The following PDE1A variants were observed in gnomAD, a reference collection of about 807,000 sequenced individuals.
PDE1A encodes dual specificity calcium/calmodulin-dependent 3',5'-cyclic nucleotide phosphodiesterase 1A.
A neutral mutation model predicts 61.7 loss-of-function variants in PDE1A; 35 were observed. The observed-to-expected ratio is 0.57, with a 90% CI of 0.43 to 0.75. The LOEUF (loss-of-function observed/expected upper bound fraction) is 0.75, where lower values mean the gene tolerates loss of function less well. Ranked by LOEUF, PDE1A falls within the 30% of genes least tolerant of loss-of-function variation. PDE1A has a pLI of 0.00. For synonymous variants in PDE1A, 232 were observed against 213.2 expected (o/e 1.09, Z -0.77); for missense variants, 597 against 630.6 (o/e 0.95, Z 0.57).
chr2:182,244,371 A>ATTTT (rs755813407), intron 2 of PDE1A, among the ~76,000 whole-genome samples: 24 of 150,140 alleles, frequency 1.6e-4, no homozygotes, highest in African/African-American at 4.9e-4. Flanking sequence ...TTTTTTTAAA[A>ATTTT]AAACTTTAAA....
intron 1 of PDE1A, among the ~76,000 whole-genome samples, chr2:182,342,483 A>G (rs958128058): frequency 1.3e-5 from 2 of 152,178 alleles, no homozygotes; most frequent in Non-Finnish European, 2.9e-5. Context: ...GGAGATGGAG[A>G]CCATCCTGGC....
chr2:182,187,033 T>G (rs1025623451), intron 11 of PDE1A, among the ~76,000 whole-genome samples: 2 of 152,206 alleles, frequency 1.3e-5, no homozygotes, highest in African/African-American at 4.8e-5. Context: ...ATTAAATAAT[T>G]GAAGGTTTTT....
chr2:182,708,290 C>T, the PDE1A span, among the ~76,000 whole-genome samples: 25 of 151,882 alleles, frequency 1.6e-4, no homozygotes, highest in Middle Eastern at 3.4e-3. Context: ...TTGGGAGCTA[C>T]GATTCAAGAT....
chr2:182,595,202 T>A, the PDE1A span, among the ~76,000 whole-genome samples: 7 of 152,280 alleles, frequency 4.6e-5, no homozygotes, highest in East Asian at 1.4e-3. Context: ...GCTTCTGCAA[T>A]TGAGGAAGAA....
rs552569132 is a variant in PDE1A at position 182,199,643 on chromosome 2, T to C, written c.1125+1796A>G. On this transcript the variant is annotated intron_variant, in intron 10 of 13. Coordinates refer to ENST00000351439, the Ensembl canonical transcript of PDE1A. ...AGATCTCTGGTTGATTGATTGAGTA[T>C]ATCATTATAATTTTTAATTGACCAT... Among the ~76,000 whole-genome samples the C allele has an allele frequency of 2.0e-5, 3 of 152,276 alleles. No individual in the cohort carries two copies. The East Asian group carries it at 5.8e-4, about 29-fold the overall frequency.
chr2:182,434,958 T>G (rs2125650592), intron 2 of PDE1A, among the ~76,000 whole-genome samples: 1 of 152,122 alleles, frequency 6.6e-6, no homozygotes, highest in East Asian at 1.9e-4. Context: ...AACTCCCCGG[T>G]CATTTAAATC....
the PDE1A span, among the ~76,000 whole-genome samples, chr2:182,624,098 C>G: frequency 7.2e-6 from 1 of 138,668 alleles, no homozygotes; most frequent in African/African-American, 2.7e-5. Flanking sequence ...GCACTCCAGC[C>G]TGGGGGACAG....
chr2:182,258,657 G>A (rs960504394), intron 2 of PDE1A, among the ~76,000 whole-genome samples: 1 of 152,156 alleles, frequency 6.6e-6, no homozygotes, highest in East Asian at 1.9e-4. Flanking sequence ...CTTGTTAGAA[G>A]CCATGTCTTT....
At chr2:182,161,725 G>A (rs77212876) in intron 13 of PDE1A, among the ~76,000 whole-genome samples, 1 of 152,118 alleles carries the variant, frequency 6.6e-6, no homozygotes, top group South Asian at 2.1e-4. Context: ...CTACTTGAGT[G>A]TTCTAACTGA....
downstream of PDE1A, among the ~76,000 whole-genome samples, chr2:182,146,299 A>T (rs898219579): frequency 6.6e-6 from 1 of 152,180 alleles, no homozygotes; most frequent in African/African-American, 2.4e-5. Context: ...ATAGATGCAC[A>T]TGTTCACAGA....
At chr2:182,440,794 T>C (rs984896726) in intron 2 of PDE1A, among the ~76,000 whole-genome samples, 1 of 151,830 alleles carries the variant, frequency 6.6e-6, no homozygotes, top group Non-Finnish European at 1.5e-5. Context: ...CATGGGTTTT[T>C]TTTTGCTTTA....
chr2:182,644,287 G>GTGTGTC, the PDE1A span, among the ~76,000 whole-genome samples: 2 of 150,326 alleles, frequency 1.3e-5, no homozygotes, highest in Admixed American at 6.6e-5. Context: ...GTGTGTGTGT[G>GTGTGTC]TGTGTGTGTG....
intron 2 of PDE1A, among the ~76,000 whole-genome samples, chr2:182,254,686 G>A (rs1392190913): frequency 1.3e-5 from 2 of 152,040 alleles, no homozygotes; most frequent in African/African-American, 4.8e-5. Context: ...TCATTAGTAG[G>A]AGCAAAGCCA....
chr2:182,269,306 T>A (rs1459684881), intron 1 of PDE1A, among the ~76,000 whole-genome samples: 1 of 151,988 alleles, frequency 6.6e-6, no homozygotes, highest in East Asian at 1.9e-4. Context: ...CTGGCCAACA[T>A]GGAGAAACTC....
intron 7 of PDE1A, among the ~76,000 whole-genome samples, chr2:182,221,607 T>A (rs533956604): frequency 6.6e-6 from 1 of 152,146 alleles, no homozygotes; most frequent in African/African-American, 2.4e-5. Context: ...TTTCCTCCAT[T>A]CCAGGGACAG....
chr2:182,230,987 C>T lies in PDE1A; in HGVS notation c.534+28G>A, dbSNP rs779834453. 3 of 1,025,440 alleles carry T rather than the reference C, an allele frequency of 2.9e-6. No homozygotes were observed. In the Admixed American group the frequency reaches 6.1e-5, roughly 21 times the overall value. The allele number at this position is 1,025,440 out of a possible 1,614,324, so 63.5% of individuals were successfully genotyped here. On this transcript the variant is annotated intron_variant, in intron 5 of 13. Transcript: ENST00000351439. ...TTACTCAAATAACCAATTCTAAGAG[C>T]ATTTCACTTTTGTTCCATGTTTCTG...
At chr2:182,168,096 T>C (rs990042441) in exon 14 of PDE1A, 58 of 1,356,096 alleles carry the variant, frequency 4.3e-5, no homozygotes, top group Middle Eastern at 1.9e-4. Context: ...CTGTTATTTA[T>C]GTGGCTCATG....
At position 182,371,488 on chromosome 2, in the gene PDE1A, A is replaced by G. The variant is rs151252574; in HGVS notation, c.53+55090T>C. On this transcript the variant is annotated intron_variant, in intron 1 of 13. Coordinates refer to ENST00000351439, the Ensembl canonical transcript of PDE1A. ...TGCAACAAGCAATGAAAAGCTCCCAATAAAAGTACAAGCAGACTGCCCCAC... is the reference window on the plus strand; with the variant it reads ...TGCAACAAGCAATGAAAAGCTCCCAGTAAAAGTACAAGCAGACTGCCCCAC... 5.3e-3 allele frequency among the ~76,000 whole-genome samples: 803 copies of G among 152,344 alleles called. 1 individual carries two copies. The highest frequency in any genetic ancestry group is 9.5e-3 in the Non-Finnish European group (644 of 68,028).
chr2:182,318,954 T>G (rs1362771835), intron 1 of PDE1A, among the ~76,000 whole-genome samples: 1 of 152,178 alleles, frequency 6.6e-6, no homozygotes, highest in Non-Finnish European at 1.5e-5. Flanking sequence ...TCTTCCTATG[T>G]TTATAAAAAT....
Sources: allele counts gnomAD v4.1 joint callset (sites outside exome capture counted in the v4.1 genomes callset), GRCh38; gene constraint gnomAD v4.1.1; transcripts MANE v1.5; gene names NCBI Gene and HGNC (gene_info 2026-07-23, HGNC 2026-07-21).